The following EYA2 variants were observed in gnomAD, a reference collection of about 807,000 sequenced individuals.
EYA2 encodes the protein protein phosphatase EYA2.
EYA2 carries 31 observed loss-of-function variants against 69.2 expected under a neutral mutation model. The ratio of observed to expected loss-of-function variants is 0.45; its 90% CI spans 0.34 to 0.60. EYA2 has a LOEUF of 0.60. EYA2 is among the 20% of genes least tolerant of loss of function. The pLI is 0.02. For missense variants in EYA2, 622 were observed against 701.2 expected (o/e 0.89, Z 1.28); for synonymous variants, 257 against 279.4 (o/e 0.92, Z 0.80).
chr20:46,968,474 G>A (rs189139157), intron 1 of EYA2, among the ~76,000 whole-genome samples: 33 of 152,262 alleles, frequency 2.2e-4, no homozygotes, highest in Admixed American at 3.9e-4. Context: ...CAAGGGTTGC[G>A]GCTGTATCTT....
chr20:47,112,436 T>G (rs1032749108), intron 9 of EYA2, among the ~76,000 whole-genome samples: 2 of 152,148 alleles, frequency 1.3e-5, no homozygotes, highest in African/African-American at 4.8e-5. Context: ...TTTGAGCATT[T>G]GACAAAAATT....
intron 5 of EYA2, among the ~76,000 whole-genome samples, chr20:47,049,486 C>T (rs1457172995): frequency 6.6e-6 from 1 of 152,104 alleles, no homozygotes; most frequent in African/African-American, 2.4e-5. Flanking sequence ...GGGCTCTCCT[C>T]GTGATAATGA....
chr20:46,958,690 T>G (rs765227164), intron 1 of EYA2, among the ~76,000 whole-genome samples: 3 of 152,130 alleles, frequency 2.0e-5, no homozygotes, highest in Non-Finnish European at 4.4e-5. Context: ...CTCTCCCACC[T>G]CCCACCACCA....
intron 9 of EYA2, among the ~76,000 whole-genome samples, chr20:47,100,140 T>C (rs2032383573): frequency 6.6e-6 from 1 of 152,210 alleles, no homozygotes; most frequent in Admixed American, 6.5e-5. Context: ...AGGAAAATAG[T>C]ATCAAAACAG....
intron 1 of EYA2, among the ~76,000 whole-genome samples, chr20:46,918,535 G>A (rs376466612): frequency 1.3e-5 from 2 of 152,024 alleles, no homozygotes; most frequent in Non-Finnish European, 2.9e-5. Flanking sequence ...TCGAACTCCC[G>A]CACTCAGGCG....
chr20:47,188,051 A>G lies in EYA2; in HGVS notation c.1537-2A>G. On this transcript the variant is annotated splice_acceptor_variant, in intron 15 of 15. Coordinates refer to ENST00000327619, the MANE Select transcript of EYA2 (RefSeq NM_005244.5). LOFTEE classifies it high-confidence loss of function. Reference sequence around the variant, plus strand: ...CCTTGTGGCTGGTGTTCTGTGTTTCAGCACAACATGCCTTTCTGGCGGATA... The same window carrying G: ...CCTTGTGGCTGGTGTTCTGTGTTTCGGCACAACATGCCTTTCTGGCGGATA... The G allele has an allele frequency of 6.4e-7, 1 of 1,564,074 alleles. No individual in the cohort carries two copies. Among genetic ancestry groups the G allele is most frequent in the Non-Finnish European group, 8.7e-7 (1 of 1,153,968 alleles).
At chr20:47,042,518 G>C (rs1466684792) in intron 5 of EYA2, among the ~76,000 whole-genome samples, 1 of 152,112 alleles carries the variant, frequency 6.6e-6, no homozygotes, top group Non-Finnish European at 1.5e-5. Flanking sequence ...ATATGACCCT[G>C]GTCATTCAGC....
chr20:47,017,869 T>C (rs1983506372), intron 5 of EYA2, among the ~76,000 whole-genome samples: 1 of 152,222 alleles, frequency 6.6e-6, no homozygotes, highest in Non-Finnish European at 1.5e-5. Flanking sequence ...GTAAGCATAA[T>C]GGCAAAGGGA....
intron 8 of EYA2, among the ~76,000 whole-genome samples, chr20:47,094,722 A>G (rs2032193712): frequency 6.6e-6 from 1 of 152,202 alleles, no homozygotes; most frequent in African/African-American, 2.4e-5. Flanking sequence ...AATAAAGAAA[A>G]TCAACAGTAT....
intron 7 of EYA2, among the ~76,000 whole-genome samples, chr20:47,074,840 G>A (rs1464851320): frequency 6.6e-6 from 1 of 152,150 alleles, no homozygotes; most frequent in Non-Finnish European, 1.5e-5. Context: ...AGCTGGGCAC[G>A]GTGGCTCACA....
At chr20:47,156,697 C>T (rs146975371) in intron 10 of EYA2, among the ~76,000 whole-genome samples, 26 of 152,076 alleles carry the variant, frequency 1.7e-4, no homozygotes, top group East Asian at 4.0e-4. Flanking sequence ...GCCTCTTTAG[C>T]GCTCTTAAGA....
At chr20:46,961,663 A>G (rs1462874134) in intron 1 of EYA2, among the ~76,000 whole-genome samples, 1 of 152,270 alleles carries the variant, frequency 6.6e-6, no homozygotes, top group Non-Finnish European at 1.5e-5. Context: ...TGGTAGGTAC[A>G]TATACACAAT....
At chr20:46,950,675 T>C (rs1978741034) in intron 1 of EYA2, among the ~76,000 whole-genome samples, 1 of 152,226 alleles carries the variant, frequency 6.6e-6, no homozygotes, top group Non-Finnish European at 1.5e-5. Flanking sequence ...TTTCTGTCAC[T>C]GTGCAGAGTC....
chr20:47,131,236 C>G (rs991975627), intron 9 of EYA2, among the ~76,000 whole-genome samples: 1 of 152,196 alleles, frequency 6.6e-6, no homozygotes, highest in Non-Finnish European at 1.5e-5. Flanking sequence ...ATTTTTCTTT[C>G]TGTACAACTT....
chr20:46,975,006 C>T (rs1273276437), intron 1 of EYA2, among the ~76,000 whole-genome samples: 2 of 150,590 alleles, frequency 1.3e-5, no homozygotes, highest in African/African-American at 2.4e-5. Flanking sequence ...TTGCATACTG[C>T]GTGATTCCAT....
intron 1 of EYA2, among the ~76,000 whole-genome samples, chr20:46,912,340 T>C (rs1363262511): frequency 6.6e-6 from 1 of 152,244 alleles, no homozygotes; most frequent in Non-Finnish European, 1.5e-5. Flanking sequence ...GGTGAGACTT[T>C]TTTTTCTTTT....
chr20:47,054,701 G>C (rs1469453828), intron 5 of EYA2, among the ~76,000 whole-genome samples: 1 of 152,078 alleles, frequency 6.6e-6, no homozygotes, highest in Non-Finnish European at 1.5e-5. Flanking sequence ...TCTGCCCCAC[G>C]TCCCTCAGAT....
chr20:47,154,416 G>A (rs113182241), intron 10 of EYA2, among the ~76,000 whole-genome samples: 2,768 of 152,112 alleles, frequency 0.018, 80 homozygotes, highest in African/African-American at 0.062. Flanking sequence ...CAAACGTTCA[G>A]TTCATAACAT....
At chr20:46,975,772 G>A (rs113763965) in intron 1 of EYA2, among the ~76,000 whole-genome samples, 2,516 of 152,254 alleles carry the variant, frequency 0.017, 66 homozygotes, top group African/African-American at 0.057. Flanking sequence ...AAAATTAGCC[G>A]GGCGTGGTTC....
Sources: gnomAD v4.1 joint callset for allele counts (sites outside exome capture counted in the v4.1 genomes callset) on GRCh38, gnomAD v4.1.1 for gene constraint, MANE v1.5 for transcripts, NCBI Gene and HGNC (gene_info 2026-07-23, HGNC 2026-07-21) for gene names.